Variants in ADAM18 observed in about 807,000 individuals in gnomAD.
The protein encoded by ADAM18 is disintegrin and metalloproteinase domain-containing protein 18.
ADAM18 carries 117 observed loss-of-function variants against 94.4 expected under a neutral mutation model. The ratio of observed to expected loss-of-function variants is 1.24; its 90% CI spans 1.07 to 1.45. The LOEUF (loss-of-function observed/expected upper bound fraction) is 1.45, where lower values mean the gene tolerates loss of function less well. Ranked by LOEUF, ADAM18 falls within the 40% of genes most tolerant of loss-of-function variation. ADAM18 has a pLI of 0.00. For missense variants in ADAM18, 936 were observed against 880.0 expected (o/e 1.06, Z -0.81); for synonymous variants, 327 against 291.6 (o/e 1.12, Z -1.24).
At chr8:39,685,789 C>T (rs1821592921) in intron 16 of ADAM18, among the ~76,000 whole-genome samples, 2 of 152,102 alleles carry the variant, frequency 1.3e-5, no homozygotes, top group Admixed American at 1.3e-4. Flanking sequence ...CATGCTGCAC[C>T]CTCCACCATC....
chr8:39,673,104 G>A (rs955281015), intron 14 of ADAM18, among the ~76,000 whole-genome samples: 1 of 152,102 alleles, frequency 6.6e-6, no homozygotes, highest in East Asian at 1.9e-4. Context: ...AAGGATGCAG[G>A]GGTGGTTGGC....
rs756666331 is a variant in ADAM18 at position 39,610,635 on chromosome 8, T to C, written c.451T>C (p.Ser151Pro). 7.4e-6 allele frequency: 12 copies of C among 1,613,102 alleles called. No individual in the cohort carries two copies. The South Asian group carries it at 1.1e-4, about 15-fold the overall frequency. Reference sequence around the variant, plus strand: ...AATGAAAAATAATGATCCAAATGTATCCATTTTAGCAGTAAATTACAGTCA... The same window carrying C: ...AATGAAAAATAATGATCCAAATGTACCCATTTTAGCAGTAAATTACAGTCA... ...YQMKNNDPNV[S>P]ILAVNYSHIW... Residue 151 changes from serine to proline, a missense_variant, in exon 6 of 20, where the codon TCC (serine) becomes CCC (proline). Transcript: ENST00000265707.
chr8:39,610,461 A>G (rs1171993358), intron 5 of ADAM18, 68 bp from the exon 6 acceptor site: 3 of 1,455,000 alleles, frequency 2.1e-6, no homozygotes, highest in Non-Finnish European at 2.7e-6. Context: ...GCCATTTCAG[A>G]TTATCATTTT....
intron 17 of ADAM18, among the ~76,000 whole-genome samples, chr8:39,697,909 AT>A (rs1446516862): frequency 6.6e-6 from 1 of 151,792 alleles, no homozygotes; most frequent in East Asian, 1.9e-4. Flanking sequence ...TTTGCATATG[AT>A]TTGCTCAAGT....
intron 14 of ADAM18, among the ~76,000 whole-genome samples, chr8:39,670,239 T>G (rs1396939342): frequency 6.6e-6 from 1 of 152,212 alleles, no homozygotes; most frequent in African/African-American, 2.4e-5. Context: ...GAGTTCTGAT[T>G]GCAACAGAAT....
At chr8:39,610,819 T>C (rs1369489638) in intron 6 of ADAM18, 113 bp downstream of exon 6, 6 of 1,330,850 alleles carry the variant, frequency 4.5e-6, no homozygotes, top group Non-Finnish European at 5.8e-6. Flanking sequence ...AAATTTTATG[T>C]ATTTTTCTAC....
At chr8:39,616,991 T>A (rs1044893737) in intron 6 of ADAM18, among the ~76,000 whole-genome samples, 2 of 152,148 alleles carry the variant, frequency 1.3e-5, no homozygotes, top group African/African-American at 4.8e-5. Context: ...CAAAAGCAAT[T>A]GTAACAAAAC....
chr8:39,709,636 T>C (rs1418526069), intron 18 of ADAM18, among the ~76,000 whole-genome samples: 14 of 152,190 alleles, frequency 9.2e-5, no homozygotes, highest in Admixed American at 9.2e-4. Context: ...ACAGACATGT[T>C]ATTGGGTGTC....
chr8:39,679,650 A>G (rs1821388508), intron 15 of ADAM18, among the ~76,000 whole-genome samples: 2 of 152,216 alleles, frequency 1.3e-5, no homozygotes, highest in African/African-American at 2.4e-5. Context: ...ATGTGCAGAA[A>G]GAGAAATGCA....
At chr8:39,648,639 A>G (rs1306516128) in intron 12 of ADAM18, 112 bp downstream of exon 12, 1 of 1,000,778 alleles carries the variant, frequency 1.0e-6, no homozygotes, top group Non-Finnish European at 1.4e-6. Context: ...ATTAATTTAT[A>G]ACTGAAATAT....
At chr8:39,584,802 T>G (rs1585865918) in intron 1 of ADAM18, 125 bp downstream of exon 1, 6 of 1,170,544 alleles carry the variant, frequency 5.1e-6, no homozygotes, top group African/African-American at 1.5e-5. Context: ...TGCTGGTGCT[T>G]CTGGTGTGTC....
intron 4 of ADAM18, 114 bp from the exon 5 acceptor site, chr8:39,609,371 A>T: frequency 1.4e-6 from 1 of 740,374 alleles, no homozygotes; most frequent in Non-Finnish European, 2.2e-6. Flanking sequence ...ATGCATTAAT[A>T]ATTAATGATC....
At chr8:39,632,062 T>C (rs991246164) in intron 7 of ADAM18, among the ~76,000 whole-genome samples, 5 of 151,998 alleles carry the variant, frequency 3.3e-5, no homozygotes, top group African/African-American at 1.2e-4. Flanking sequence ...TTTTGGTAGA[T>C]TTTTTAATGT....
At chr8:39,670,165 TG>T (rs1283122018) in intron 14 of ADAM18, among the ~76,000 whole-genome samples, 7 of 152,212 alleles carry the variant, frequency 4.6e-5, no homozygotes, top group African/African-American at 1.7e-4. Flanking sequence ...TGGGGTTGTT[TG>T]TTTTTTTCTT....
At chr8:39,674,221 G>T (rs1046043078) in intron 14 of ADAM18, among the ~76,000 whole-genome samples, 3 of 151,960 alleles carry the variant, frequency 2.0e-5, no homozygotes, top group African/African-American at 7.3e-5. Context: ...TTGACAGGGG[G>T]GTGTTAAAGT....
intron 2 of ADAM18, among the ~76,000 whole-genome samples, chr8:39,599,717 A>G (rs1309722927): frequency 6.6e-6 from 1 of 152,032 alleles, no homozygotes; most frequent in Non-Finnish European, 1.5e-5. Context: ...GCATATTCTT[A>G]TTATCCATTG....
At chr8:39,692,705 G>C (rs199793952) in intron 17 of ADAM18, 25 bp downstream of exon 17, 2 of 1,541,056 alleles carry the variant, frequency 1.3e-6, no homozygotes, top group Non-Finnish European at 1.8e-6. Flanking sequence ...TATCTGAATT[G>C]CATGTTATTC....
At chr8:39,600,565 A>G (rs1382973535) in intron 2 of ADAM18, among the ~76,000 whole-genome samples, 1 of 152,214 alleles carries the variant, frequency 6.6e-6, no homozygotes, top group African/African-American at 2.4e-5. Flanking sequence ...AGTGTTTAAT[A>G]TTCTAGGTCT....
At chr8:39,586,807 T>TA (rs1554500945) in intron 2 of ADAM18, among the ~76,000 whole-genome samples, 15 of 72,290 alleles carry the variant, frequency 2.1e-4, no homozygotes, top group Non-Finnish European at 6.1e-4. Flanking sequence ...TATCTATATC[T>TA]ATCTATCTAT....
Sources: gnomAD v4.1 joint callset for allele counts (sites outside exome capture counted in the v4.1 genomes callset) on GRCh38, gnomAD v4.1.1 for gene constraint, MANE v1.5 for transcripts, NCBI Gene and HGNC (gene_info 2026-07-23, HGNC 2026-07-21) for gene names.